Variants in RC3H1 observed in about 807,000 individuals in gnomAD.
RC3H1 encodes the protein roquin-1.
A neutral mutation model predicts 138.2 loss-of-function variants in RC3H1; 50 were observed. The ratio of observed to expected loss-of-function variants is 0.36; its 90% CI spans 0.29 to 0.46. RC3H1 has a LOEUF of 0.46. RC3H1 is among the 20% of genes least tolerant of loss of function. The pLI is 1.00. For synonymous variants in RC3H1, 462 were observed against 489.1 expected (o/e 0.94, Z 0.73); for missense variants, 1,031 against 1,388.1 (o/e 0.74, Z 4.09).
At chr1:174,006,355 G>C (rs184230685) in intron 1 of RC3H1, among the ~76,000 whole-genome samples, 1 of 152,060 alleles carries the variant, frequency 6.6e-6, no homozygotes, top group African/African-American at 2.4e-5. Flanking sequence ...TGAAACTGTA[G>C]GAGGAAAAGA....
chr1:173,961,766 C>T lies in RC3H1; in HGVS notation c.2161G>A (p.Val721Met). The T allele has an allele frequency of 6.2e-7, 1 of 1,612,876 alleles. No individual in the cohort carries two copies. Among genetic ancestry groups the T allele is most frequent in the Non-Finnish European group, 8.5e-7 (1 of 1,180,004 alleles). The change falls in exon 12 of 20, where the codon GTG (valine) becomes ATG (methionine). Residue 721 changes from valine (V) to methionine (M), a missense_variant. Coordinates refer to ENST00000367696, the MANE Select transcript of RC3H1 (RefSeq NM_172071.4). ...RYQQIESYYP[V>M]APHPTQIRPS... is the part of the protein sequence containing the mutation. ...CTGATCTGAGTTGGATGAGGAGCCA[C>T]TGGATAGTAACTCTCGATCTGTTGG...
intron 2 of RC3H1, among the ~76,000 whole-genome samples, chr1:173,991,949 A>G (rs921896514): frequency 6.6e-6 from 1 of 152,158 alleles, no homozygotes; most frequent in Non-Finnish European, 1.5e-5. Flanking sequence ...TTTTAGGTTT[A>G]TAAAGCATTA....
intron 1 of RC3H1, among the ~76,000 whole-genome samples, chr1:174,012,379 C>T (rs1409722579): frequency 1.3e-5 from 2 of 152,018 alleles, no homozygotes; most frequent in Non-Finnish European, 2.9e-5. Flanking sequence ...ATAGCTATAG[C>T]TTCTATAGAT....
chr1:173,973,989 G>A (rs1235066707), intron 7 of RC3H1, among the ~76,000 whole-genome samples: 1 of 152,080 alleles, frequency 6.6e-6, no homozygotes, highest in Non-Finnish European at 1.5e-5. Context: ...TTTAGATAAT[G>A]TTGAATTCAA....
intron 1 of RC3H1, among the ~76,000 whole-genome samples, chr1:173,994,871 A>C (rs560058537): frequency 5.3e-5 from 8 of 152,264 alleles, no homozygotes; most frequent in Middle Eastern, 6.8e-3. Flanking sequence ...AAATGACAAA[A>C]AAATGTTTTA....
In RC3H1 at chr1:174,022,224, T is replaced by TGCCGCC; in HGVS notation, c.-285_-280dup. 1 of 393,056 alleles carries TGCCGCC rather than the reference T, an allele frequency of 2.5e-6. No individual in the cohort carries two copies. Among genetic ancestry groups the TGCCGCC allele is most frequent in the East Asian group, 3.6e-5 (1 of 27,544 alleles). 24.3% of individuals were successfully genotyped at this position (393,056 alleles called of 1,614,324 possible). On this transcript the variant is annotated 5_prime_UTR_variant, in exon 1 of 20. Transcript: ENST00000367696. This position sits in a 1 kb window ranked among gnomAD's most constrained non-coding sequence, Gnocchi z 4.2. ...CTGTCCCAGGCCGCCGGGCCACGGC[T>TGCCGCC]GCCGCCGCCACCGCCAGCACCGCCT...
At chr1:174,006,321 A>G (rs1476346296) in intron 1 of RC3H1, among the ~76,000 whole-genome samples, 1 of 152,070 alleles carries the variant, frequency 6.6e-6, no homozygotes, top group Non-Finnish European at 1.5e-5. Flanking sequence ...ATCTTCATAT[A>G]CTCCCCAAAT....
chr1:174,018,639 G>A (rs540736758), intron 1 of RC3H1, among the ~76,000 whole-genome samples: 2 of 152,268 alleles, frequency 1.3e-5, no homozygotes, highest in South Asian at 2.1e-4. Context: ...TCTTGGAGAC[G>A]GTTCTGGGAA....
chr1:173,980,787 T>G (rs765297384), intron 6 of RC3H1, 22 bp downstream of exon 6: 1 of 1,585,904 alleles, frequency 6.3e-7, no homozygotes, highest in Admixed American at 1.7e-5. Flanking sequence ...GTCTAAGAAG[T>G]AAGGAACAAA....
Position 173,977,847 on chromosome 1 carries a change from C to T in RC3H1, c.1102+641G>A, listed in dbSNP as rs116532345. On this transcript the variant is annotated intron_variant, in intron 7 of 19. Coordinates refer to ENST00000367696, the MANE Select transcript of RC3H1 (RefSeq NM_172071.4). ...TCAAAAAAGTGCTCAACAACATTAT[C>T]GAAATGCTGAAAACAAATGGGAGTG... Among the ~76,000 whole-genome samples the T allele has an allele frequency of 4.8e-3, 730 of 152,158 alleles. 7 individuals carry two copies. The highest frequency in any genetic ancestry group is 0.016 in the African/African-American group (683 of 41,500).
chr1:174,008,604 G>A (rs990293024), intron 1 of RC3H1, among the ~76,000 whole-genome samples: 2 of 152,132 alleles, frequency 1.3e-5, no homozygotes, highest in African/African-American at 4.8e-5. Flanking sequence ...GAATCCTATA[G>A]CCACAATGTA....
chr1:173,994,213 G>A (rs1222506213), intron 1 of RC3H1, among the ~76,000 whole-genome samples: 3 of 151,552 alleles, frequency 2.0e-5, no homozygotes, highest in African/African-American at 7.3e-5. Flanking sequence ...CCAACATGGT[G>A]AAACCCCGTC....
chr1:174,001,363 T>G (rs1258568602), intron 1 of RC3H1, among the ~76,000 whole-genome samples: 1 of 152,186 alleles, frequency 6.6e-6, no homozygotes, highest in East Asian at 1.9e-4. Flanking sequence ...TATACAAATG[T>G]GCTACACTAA....
chr1:173,941,555 A>G, intron 18 of RC3H1, 175 bp from the exon 19 acceptor site: 2 of 516,404 alleles, frequency 3.9e-6, no homozygotes, highest in East Asian at 3.3e-5. Context: ...ACAGAATACA[A>G]TCCACTTGCT....
chr1:174,012,794 AAAAGAAAAG>A (rs1439103668), intron 1 of RC3H1, among the ~76,000 whole-genome samples: 2 of 145,616 alleles, frequency 1.4e-5, no homozygotes, highest in African/African-American at 5.6e-5. Flanking sequence ...CAAAAAAAAA[AAAAGAAAAG>A]AAAAGAAAAG....
At chr1:173,944,058 T>A (rs1279791403) in intron 17 of RC3H1, among the ~76,000 whole-genome samples, 1 of 151,280 alleles carries the variant, frequency 6.6e-6, no homozygotes, top group Non-Finnish European at 1.5e-5. Context: ...CCCGTAGTCC[T>A]AGCTACTAGG....
At chr1:173,960,373 C>T (rs182550618) in intron 13 of RC3H1, among the ~76,000 whole-genome samples, 115 of 152,044 alleles carry the variant, frequency 7.6e-4, no homozygotes, top group African/African-American at 2.6e-3. Flanking sequence ...TTTTGGTGGC[C>T]ACATTAACAA....
chr1:173,977,687 C>T (rs1424897468), intron 7 of RC3H1, among the ~76,000 whole-genome samples: 3 of 152,132 alleles, frequency 2.0e-5, no homozygotes, highest in Admixed American at 1.3e-4. Context: ...TAACCACCAT[C>T]AGAGCATGTA....
chr1:173,995,476 G>A lies in RC3H1; in HGVS notation c.-150-2341C>T, dbSNP rs185439634. On this transcript the variant is annotated intron_variant, in intron 1 of 19. Transcript: ENST00000367696. ...GTGAACCTGGGAGGCAGAACTTGAA[G>A]TGAGCCAAGATTGTGCCACTGCATT... 2.0e-4 allele frequency among the ~76,000 whole-genome samples: 31 copies of A among 151,222 alleles called. No homozygotes were observed. In the East Asian group the frequency reaches 3.5e-3, roughly 17 times the overall value.
Sources: allele counts gnomAD v4.1 joint callset (sites outside exome capture counted in the v4.1 genomes callset), GRCh38; gene constraint gnomAD v4.1.1; non-coding constraint Gnocchi (gnomAD v3.1); transcripts MANE v1.5; gene names NCBI Gene and HGNC (gene_info 2026-07-23, HGNC 2026-07-21).